MTDH: variants seen among roughly 807,000 people sequenced by gnomAD.
MTDH encodes the protein metadherin, also known as protein LYRIC.
MTDH carries 34 observed loss-of-function variants against 72.7 expected under a neutral mutation model. The observed-to-expected ratio is 0.47, with a 90% CI of 0.36 to 0.62. The LOEUF is 0.62. Ranked by LOEUF, MTDH falls within the 20% of genes least tolerant of loss-of-function variation. The probability of loss-of-function intolerance (pLI) is 0.00; values close to 1 mark genes in which losing one functional copy is unlikely to be tolerated. For missense variants in MTDH, 677 were observed against 699.4 expected, an observed-to-expected ratio of 0.97 and a Z score of 0.36; for synonymous variants, 266 against 268.9, an observed-to-expected ratio of 0.99 and a Z score of 0.10.
chr8:97,679,394 G>T (rs921267992), intron 2 of MTDH, among the ~76,000 whole-genome samples: 2 of 152,094 alleles, frequency 1.3e-5, no homozygotes, highest in Non-Finnish European at 2.9e-5. Context: ...AGAACTTTCT[G>T]ATCTACAGTT....
chr8:97,671,641 A>G (rs1317464529), intron 2 of MTDH, among the ~76,000 whole-genome samples: 5 of 152,040 alleles, frequency 3.3e-5, no homozygotes, highest in Admixed American at 2.6e-4. Context: ...GTGGGAGTTC[A>G]AGACCAGCCT....
chr8:97,726,510 G>A lies in MTDH; in HGVS notation c.*1840G>A, dbSNP rs2131099747. 6.6e-6 allele frequency: 1 copy of A among 152,310 alleles called. No individual in the cohort carries two copies. Among genetic ancestry groups the A allele is most frequent in the East Asian group, 1.9e-4 (1 of 5,190 alleles). 9.4% of individuals were successfully genotyped at this position (152,310 alleles called of 1,614,324 possible). ...TTTTAGAATGTGCCAAATGGTCTGT[G>A]CTCAACAATATAATTGAACTCTCTC... On this transcript the variant is annotated 3_prime_UTR_variant, in exon 12 of 12. Coordinates refer to ENST00000336273, the MANE Select transcript of MTDH (RefSeq NM_178812.4).
chr8:97,679,942 T>G (rs1813003410), intron 2 of MTDH, among the ~76,000 whole-genome samples: 1 of 152,230 alleles, frequency 6.6e-6, no homozygotes, highest in Non-Finnish European at 1.5e-5. Context: ...TACTAGAATT[T>G]TTGGAACTTA....
chr8:97,686,147 T>C (rs1004127198), intron 2 of MTDH, among the ~76,000 whole-genome samples: 6 of 152,238 alleles, frequency 3.9e-5, no homozygotes, highest in Non-Finnish European at 8.8e-5. Context: ...ACAATCTGCT[T>C]TATGCAATCC....
At chr8:97,645,044 C>G (rs919140479) in intron 1 of MTDH, among the ~76,000 whole-genome samples, 157 bp downstream of exon 1, 7 of 151,978 alleles carry the variant, frequency 4.6e-5, no homozygotes, top group Admixed American at 1.3e-4. Flanking sequence ...GATAGGTGGT[C>G]ATGTTATTTG....
chr8:97,666,270 T>C (rs1812381801), intron 2 of MTDH, among the ~76,000 whole-genome samples: 1 of 152,198 alleles, frequency 6.6e-6, no homozygotes, highest in African/African-American at 2.4e-5. Context: ...AACCCTGATA[T>C]CATTTATTAC....
At chr8:97,687,134 A>G (rs1035622140) in intron 3 of MTDH, among the ~76,000 whole-genome samples, 5 of 152,074 alleles carry the variant, frequency 3.3e-5, no homozygotes, top group African/African-American at 1.2e-4. Flanking sequence ...TGTCACTTCT[A>G]CCTAGCAAGA....
intron 2 of MTDH, among the ~76,000 whole-genome samples, chr8:97,667,808 A>AT (rs1476282641): frequency 6.7e-6 from 1 of 149,094 alleles, no homozygotes; most frequent in African/African-American, 2.5e-5. Flanking sequence ...CCTGGGCAAC[A>AT]TAGCGAGACC....
At chr8:97,721,065 T>C (rs1815100795) in intron 10 of MTDH, among the ~76,000 whole-genome samples, 1 of 151,884 alleles carries the variant, frequency 6.6e-6, no homozygotes, top group Non-Finnish European at 1.5e-5. Context: ...GAAAAGGAGA[T>C]TAAAAATAAG....
In MTDH at chr8:97,697,532, C is replaced by T. The variant is rs1298800734; in HGVS notation, c.1049-2222C>T. 4.0e-5 allele frequency among the ~76,000 whole-genome samples: 6 copies of T among 151,594 alleles called. No individual in the cohort carries two copies. The South Asian group carries it at 1.0e-3, about 26-fold the overall frequency. On this transcript the variant is annotated intron_variant, in intron 6 of 11. Coordinates refer to ENST00000336273, the MANE Select transcript of MTDH (RefSeq NM_178812.4). ...TCCCATGTATCTGGTACTGCAGGCA[C>T]GTGCCACCACACCCGGCTAATTTTT...
At chr8:97,678,635 T>C (rs1373468202) in intron 2 of MTDH, among the ~76,000 whole-genome samples, 23 of 134,922 alleles carry the variant, frequency 1.7e-4, no homozygotes, top group Non-Finnish European at 3.4e-4. Flanking sequence ...GAGACAGAAT[T>C]GCTTAGTCAC....
chr8:97,679,293 A>G (rs1214149913), intron 2 of MTDH, among the ~76,000 whole-genome samples: 1 of 152,220 alleles, frequency 6.6e-6, no homozygotes, highest in Non-Finnish European at 1.5e-5. Context: ...AATACAAAAA[A>G]AAATTATCTC....
At chr8:97,715,584 G>A (rs1447417790) in intron 9 of MTDH, among the ~76,000 whole-genome samples, 1 of 152,184 alleles carries the variant, frequency 6.6e-6, no homozygotes, top group African/African-American at 2.4e-5. Flanking sequence ...GGGCATTAAG[G>A]TTGTAACATA....
Position 97,726,855 on chromosome 8 carries a change from A to T in MTDH, c.*2185A>T, listed in dbSNP as rs1815372512. Reference sequence around the variant, plus strand: ...TTTGGGAGGCCGAGGCAGGTGGATCACGAGGTCAGGAGTTCAAGACCAGCC... The same window carrying T: ...TTTGGGAGGCCGAGGCAGGTGGATCTCGAGGTCAGGAGTTCAAGACCAGCC... On this transcript the variant is annotated 3_prime_UTR_variant, in exon 12 of 12. Coordinates refer to ENST00000336273, the MANE Select transcript of MTDH (RefSeq NM_178812.4). 1.3e-5 allele frequency: 2 copies of T among 152,054 alleles called. No homozygotes were observed. Among genetic ancestry groups the T allele is most frequent in the Admixed American group, 1.3e-4 (2 of 15,226 alleles). 9.4% of individuals were successfully genotyped at this position (152,054 alleles called of 1,614,324 possible).
At chr8:97,677,215 C>T (rs1323392254) in intron 2 of MTDH, among the ~76,000 whole-genome samples, 5 of 98,284 alleles carry the variant, frequency 5.1e-5, no homozygotes, top group East Asian at 4.4e-4. Context: ...AAAAAAAGGC[C>T]GGGCGCAGTG....
chr8:97,650,555 G>A (rs186470613), intron 1 of MTDH, among the ~76,000 whole-genome samples: 218 of 152,234 alleles, frequency 1.4e-3, no homozygotes, highest in African/African-American at 5.1e-3. Flanking sequence ...AATTACAAGC[G>A]TTAGTCACTG....
chr8:97,719,568 T>C (rs1326080108), intron 10 of MTDH, among the ~76,000 whole-genome samples: 2 of 151,794 alleles, frequency 1.3e-5, no homozygotes, highest in Non-Finnish European at 2.9e-5. Context: ...TTTTAAGCAC[T>C]GTGCTAAGCA....
chr8:97,713,978 C>T (rs1814743159), intron 9 of MTDH, among the ~76,000 whole-genome samples: 1 of 152,080 alleles, frequency 6.6e-6, no homozygotes. Flanking sequence ...TGTTGCTAAA[C>T]TCAAAAATAA....
intron 7 of MTDH, 128 bp from the exon 8 acceptor site, chr8:97,706,497 TA>T: frequency 1.2e-6 from 1 of 817,554 alleles, no homozygotes; most frequent in Non-Finnish European, 1.7e-6. Context: ...TTCTGGCTCT[TA>T]AAATGTGCTT....
Sources: gnomAD v4.1 joint callset for allele counts (sites outside exome capture counted in the v4.1 genomes callset) on GRCh38, gnomAD v4.1.1 for gene constraint, MANE v1.5 for transcripts, NCBI Gene and HGNC (gene_info 2026-07-23, HGNC 2026-07-21) for gene names.